ANXA8: variants seen among roughly 807,000 people sequenced by gnomAD.
ANXA8 encodes the protein annexin A8.
A neutral mutation model predicts 26.8 loss-of-function variants in ANXA8; 9 were observed. That is an observed-to-expected ratio of 0.34 (90% CI 0.20 to 0.59). The LOEUF is 0.59. ANXA8 is among the 20% of genes least tolerant of loss of function. The probability of loss-of-function intolerance (pLI) is 0.84; values close to 1 mark genes in which losing one functional copy is unlikely to be tolerated. For missense variants in ANXA8, 83 were observed against 238.5 expected, an observed-to-expected ratio of 0.35 and a Z score of 4.29; for synonymous variants, 39 against 94.8, an observed-to-expected ratio of 0.41 and a Z score of 3.42.
chr10:47,729,701 C>T, the ANXA8 span, among the ~76,000 whole-genome samples: 7 of 151,376 alleles, frequency 4.6e-5, no homozygotes, highest in Non-Finnish European at 8.8e-5. Context: ...TTGGTCTGAA[C>T]GGTGTGTTAT....
chr10:47,495,978 G>A, the ANXA8 span, among the ~76,000 whole-genome samples: 9 of 151,646 alleles, frequency 5.9e-5, no homozygotes, highest in Non-Finnish European at 7.4e-5. Context: ...CTGAGAGCAC[G>A]CCTTCCCAAG....
the ANXA8 span, among the ~76,000 whole-genome samples, chr10:47,768,926 G>C: frequency 6.7e-6 from 1 of 149,898 alleles, no homozygotes; most frequent in South Asian, 2.1e-4. Context: ...AGAGTGTGAT[G>C]GGGAATTGTC....
the ANXA8 span, among the ~76,000 whole-genome samples, chr10:47,738,700 C>T: frequency 6.6e-6 from 1 of 152,004 alleles, no homozygotes; most frequent in African/African-American, 2.4e-5. Flanking sequence ...CCTCAGCCTC[C>T]TTGGTAACTG....
At chr10:47,969,275 T>C in the ANXA8 span, among the ~76,000 whole-genome samples, 1 of 151,488 alleles carries the variant, frequency 6.6e-6, no homozygotes, top group African/African-American at 2.4e-5. Flanking sequence ...GCTTTCCAAC[T>C]AACGCAGGGT....
the ANXA8 span, among the ~76,000 whole-genome samples, chr10:47,535,694 A>G: frequency 1.1e-5 from 1 of 94,548 alleles, no homozygotes; most frequent in African/African-American, 5.2e-5. Context: ...ACTAGTCTAG[A>G]ATATTAAAAA....
chr10:47,688,045 G>T, the ANXA8 span, among the ~76,000 whole-genome samples: 1 of 151,634 alleles, frequency 6.6e-6, no homozygotes, highest in Admixed American at 6.6e-5. Flanking sequence ...AGGTTGTAGT[G>T]AGCTGAGATC....
chr10:47,676,123 A>C, the ANXA8 span, among the ~76,000 whole-genome samples: 12 of 151,738 alleles, frequency 7.9e-5, no homozygotes, highest in Admixed American at 6.6e-4. Flanking sequence ...ATATGAAGAC[A>C]GATTGGAAAG....
chr10:47,743,295 C>T, the ANXA8 span, among the ~76,000 whole-genome samples: 30,041 of 66,518 alleles, frequency 0.45, 7,433 homozygotes, highest in South Asian at 0.59. Context: ...TATATATATA[C>T]ACATATATAT....
At chr10:47,618,852 T>C in the ANXA8 span, among the ~76,000 whole-genome samples, 2 of 114,202 alleles carry the variant, frequency 1.8e-5, 1 homozygote, top group African/African-American at 6.7e-5. Flanking sequence ...CTATGACATT[T>C]ACTCTCCATG....
chr10:47,554,047 G>A, the ANXA8 span, among the ~76,000 whole-genome samples: 2 of 149,152 alleles, frequency 1.3e-5, no homozygotes, highest in African/African-American at 5.0e-5. Context: ...CGAGGCAGGA[G>A]GATTGCTTGA....
chr10:47,665,699 C>T, the ANXA8 span, among the ~76,000 whole-genome samples: 1 of 150,404 alleles, frequency 6.6e-6, no homozygotes, highest in Admixed American at 6.6e-5. Context: ...GGTTGAAAGT[C>T]ATCTGACACA....
At chr10:47,651,618 G>C in the ANXA8 span, among the ~76,000 whole-genome samples, 6 of 149,716 alleles carry the variant, frequency 4.0e-5, no homozygotes, top group Non-Finnish European at 8.9e-5. Flanking sequence ...GGTCCAGCTG[G>C]GTGTGGTGGC....
chr10:47,898,810 G>GTTTTTTTTTTTTT, the ANXA8 span, among the ~76,000 whole-genome samples: 1 of 21,058 alleles, frequency 4.7e-5, no homozygotes, highest in Non-Finnish European at 9.8e-5. Flanking sequence ...AAAGAGAATG[G>GTTTTTTTTTTTTT]ATTTTTTTTT....
At chr10:47,561,448 G>A in the ANXA8 span, among the ~76,000 whole-genome samples, 7 of 151,826 alleles carry the variant, frequency 4.6e-5, no homozygotes, top group Non-Finnish European at 8.8e-5. Context: ...ACCATGCTGT[G>A]CAATTTATCT....
At chr10:47,989,225 G>C in the ANXA8 span, among the ~76,000 whole-genome samples, 1 of 137,734 alleles carries the variant, frequency 7.3e-6, no homozygotes, top group African/African-American at 2.6e-5. Context: ...GAGTGTTCCT[G>C]GAACGTTCCA....
upstream of ANXA8, among the ~76,000 whole-genome samples, chr10:47,489,116 C>T (rs1198726723): frequency 1.3e-5 from 2 of 150,324 alleles, no homozygotes; most frequent in Non-Finnish European, 3.0e-5. Context: ...CTCCCAGGTA[C>T]ACACCATTCT....
chr10:47,587,899 G>C, the ANXA8 span, among the ~76,000 whole-genome samples: 14 of 145,884 alleles, frequency 9.6e-5, 3 homozygotes, highest in African/African-American at 2.5e-4. Context: ...ACACTACCTG[G>C]CTGTGAACTG....
At chr10:47,991,709 C>G in the ANXA8 span, 1 of 1,611,364 alleles carries the variant, frequency 6.2e-7, no homozygotes, top group East Asian at 2.2e-5. Flanking sequence ...ATCTCTTTCA[C>G]TTCGGGGGCA....
chr10:47,683,558 TA>T, the ANXA8 span, among the ~76,000 whole-genome samples: 1 of 151,958 alleles, frequency 6.6e-6, no homozygotes, highest in Non-Finnish European at 1.5e-5. Flanking sequence ...ACTGTGTTGT[TA>T]ACACAAATGA....
Sources: gnomAD v4.1 joint callset for allele counts (sites outside exome capture counted in the v4.1 genomes callset) on GRCh38, gnomAD v4.1.1 for gene constraint, MANE v1.5 for transcripts, NCBI Gene and HGNC (gene_info 2026-07-23, HGNC 2026-07-21) for gene names.